Variants in PHF2 observed in about 807,000 individuals in gnomAD.
PHF2 encodes lysine-specific demethylase PHF2.
In PHF2, 27 loss-of-function variants were observed where a neutral mutation model predicts 120.5. That is an observed-to-expected ratio of 0.22 (90% CI 0.17 to 0.31). The LOEUF (loss-of-function observed/expected upper bound fraction) is 0.31, where lower values mean the gene tolerates loss of function less well. Ranked by LOEUF, PHF2 falls within the 10% of genes least tolerant of loss-of-function variation. The pLI, the probability that PHF2 is intolerant of heterozygous loss-of-function variation, is 1.00. For missense variants in PHF2, 1,024 were observed against 1,434.8 expected (o/e 0.71, Z 4.63); for synonymous variants, 568 against 592.5 (o/e 0.96, Z 0.60).
chr9:93,596,345 A>G (rs1169860983), intron 1 of PHF2, among the ~76,000 whole-genome samples: 2 of 152,198 alleles, frequency 1.3e-5, no homozygotes, highest in African/African-American at 4.8e-5. Context: ...CAAATTCAGC[A>G]CCAGGGATCA....
At chr9:93,658,514 G>T (rs1462501711) in intron 10 of PHF2, among the ~76,000 whole-genome samples, 2 of 152,222 alleles carry the variant, frequency 1.3e-5, no homozygotes, top group Non-Finnish European at 2.9e-5. Context: ...TCACAGCTTA[G>T]TCACAAGTTG....
At chr9:93,672,240 A>C (rs55880829) in intron 17 of PHF2, among the ~76,000 whole-genome samples, 1 of 46,218 alleles carries the variant, frequency 2.2e-5, no homozygotes, top group African/African-American at 9.1e-5. Context: ...GTGGGTGTGG[A>C]TGTAGGTACA....
intron 1 of PHF2, among the ~76,000 whole-genome samples, chr9:93,627,492 A>ATGTTTTTTTTTTTTTTTTTTTTTT (rs1825931883): frequency 9.2e-6 from 1 of 108,176 alleles, no homozygotes; most frequent in Non-Finnish European, 1.8e-5. Flanking sequence ...TTATTTCAGG[A>ATGTTTTTTTTTTTTTTTTTTTTTT]TTTTTTTTTT....
intron 3 of PHF2, 50 bp downstream of exon 3, chr9:93,636,575 A>T: frequency 8.0e-7 from 1 of 1,243,702 alleles, no homozygotes; most frequent in Non-Finnish European, 1.1e-6. Flanking sequence ...GGGGATGCAC[A>T]CTCTCTCCGT....
chr9:93,660,380 C>T lies in PHF2; in HGVS notation c.1518C>T (p.Pro506=). 1.3e-6 allele frequency: 2 copies of T among 1,545,388 alleles called. No homozygotes were observed. Among genetic ancestry groups the T allele is most frequent in the South Asian group, 1.2e-5 (1 of 83,996 alleles). Residue 506 remains proline (P), a synonymous_variant, in exon 12 of 22, where the codon CCC becomes CCT. Transcript: ENST00000359246. ...TVKMPKPSKI[P]KPPKPPKPPR... is the part of the protein sequence containing the mutation. ...AGATGCCCAAGCCATCCAAAATCCC[C>T]AAGCCCCCGAAGCCCCCTAAGCCCC...
At chr9:93,593,084 CAAAAAAAAAAAAA>C (rs200919035) in intron 1 of PHF2, among the ~76,000 whole-genome samples, 1 of 83,380 alleles carries the variant, frequency 1.2e-5, no homozygotes, top group African/African-American at 5.6e-5. Flanking sequence ...TCCTTTATGC[CAAAAAAAAAAAAA>C]AAAAAAAAAA....
chr9:93,652,500 C>A (rs998484506), intron 5 of PHF2, among the ~76,000 whole-genome samples: 1 of 151,918 alleles, frequency 6.6e-6, no homozygotes, highest in African/African-American at 2.4e-5. Context: ...ACCATGTTGG[C>A]CAGGCTGGTT....
At chr9:93,638,200 T>C (rs990376037) in intron 3 of PHF2, among the ~76,000 whole-genome samples, 2 of 152,160 alleles carry the variant, frequency 1.3e-5, no homozygotes, top group South Asian at 2.1e-4. Context: ...TTACCTGATA[T>C]ATGATTTCAA....
intron 3 of PHF2, among the ~76,000 whole-genome samples, chr9:93,639,606 A>C (rs1475430561): frequency 6.6e-6 from 1 of 151,956 alleles, no homozygotes; most frequent in Non-Finnish European, 1.5e-5. Context: ...CTCCAATATC[A>C]CCTTGAATAG....
intron 5 of PHF2, among the ~76,000 whole-genome samples, chr9:93,650,398 A>G (rs1055490123): frequency 6.6e-6 from 1 of 152,182 alleles, no homozygotes; most frequent in African/African-American, 2.4e-5. Flanking sequence ...CATCCCTGGC[A>G]CAGTTACTAA....
At chr9:93,654,143 A>G (rs1163642281) in intron 6 of PHF2, among the ~76,000 whole-genome samples, 1 of 152,128 alleles carries the variant, frequency 6.6e-6, no homozygotes, top group Non-Finnish European at 1.5e-5. Flanking sequence ...TTGCAGCTTT[A>G]TTTGCAGCCT....
Position 93,674,178 on chromosome 9 carries a change from C to A in PHF2, c.2626+316C>A, listed in dbSNP as rs192922083. Among the ~76,000 whole-genome samples the A allele has an allele frequency of 7.2e-5, 11 of 152,208 alleles. No individual in the cohort carries two copies. In the East Asian group the frequency reaches 1.6e-3, roughly 22 times the overall value. ...GGGCGCCATCTTGCTTCCTCCTGAA[C>A]CTTGGGTCCTGGGCATTCCTCGACA... On this transcript the variant is annotated intron_variant, in intron 18 of 21. Transcript: ENST00000359246.
At chr9:93,668,332 GCTC>G (rs1826719844) in intron 17 of PHF2, among the ~76,000 whole-genome samples, 1 of 152,148 alleles carries the variant, frequency 6.6e-6, no homozygotes, top group South Asian at 2.1e-4. Context: ...CTGGCTGTGA[GCTC>G]CTCCTCCCTG....
In PHF2 at chr9:93,665,835, AGAAAAACGCCCC is replaced by A. The variant is rs1564400836; in HGVS notation, c.2093_2104del (p.Asn698_Lys701del). On this transcript the variant is annotated inframe_deletion, in exon 15 of 22. Coordinates refer to ENST00000359246, the MANE Select transcript of PHF2 (RefSeq NM_005392.4). ...ATCGACGAGTTTCCCATCAGGAGGA[AGAAAAACGCCCC>A]GAAAAGGGACTTGTCCTGTGAGTTG... 1 of 1,613,394 alleles carries A rather than the reference AGAAAAACGCCCC, an allele frequency of 6.2e-7. No individual in the cohort carries two copies. Among genetic ancestry groups the A allele is most frequent in the South Asian group, 1.1e-5 (1 of 91,056 alleles).
chr9:93,633,637 G>A (rs1411556615), intron 2 of PHF2, among the ~76,000 whole-genome samples: 3 of 152,222 alleles, frequency 2.0e-5, no homozygotes, highest in African/African-American at 7.2e-5. Context: ...CTTTGCTGGT[G>A]ACCTTGGCAC....
At position 93,676,772 on chromosome 9, in the gene PHF2, C is replaced by T. The variant is rs775497099; in HGVS notation, c.3011C>T (p.Ser1004Leu). 9 of 1,552,142 alleles carry T rather than the reference C, an allele frequency of 5.8e-6. No homozygotes were observed. Among genetic ancestry groups the T allele is most frequent in the East Asian group, 2.4e-5 (1 of 40,992 alleles). Residue 1004 changes from serine (S) to leucine (L), a missense_variant, in exon 21 of 22, where the codon TCG becomes TTG. This residue lies in a region of PHF2 where 677 missense variants were observed against 857.4 expected (regional missense o/e 0.79). Coordinates refer to ENST00000359246, the MANE Select transcript of PHF2 (RefSeq NM_005392.4). ...ACCAGCACGGCCAGCAGCCAGGCCT[C>T]GCAGGAGGGCAGCTCGCCAGAGCCC... ...ASTSTASSQA[S>L]QEGSSPEPPP...
intron 3 of PHF2, among the ~76,000 whole-genome samples, chr9:93,637,114 C>T (rs534653751): frequency 6.6e-6 from 1 of 152,378 alleles, no homozygotes; most frequent in South Asian, 2.1e-4. Flanking sequence ...TTATTTCTCC[C>T]TCACTTTTGA....
Position 93,660,213 on chromosome 9 carries a change from C to G in PHF2, c.1351C>G (p.Pro451Ala), listed in dbSNP as rs1826536448. 9 of 1,576,532 alleles carry G rather than the reference C, an allele frequency of 5.7e-6. No homozygotes were observed. Among genetic ancestry groups the G allele is most frequent in the Non-Finnish European group, 7.7e-6 (9 of 1,165,292 alleles). Reference sequence around the variant, plus strand: ...CCAGAATGCCTCCAAAGCCGTCCGACCGGAAGTGAATACTGTCGCCTCGTC... The same window carrying G: ...CCAGAATGCCTCCAAAGCCGTCCGAGCGGAAGTGAATACTGTCGCCTCGTC... ...LSENASKAVR[P>A]EVNTVASSDE... is the part of the protein sequence containing the mutation. Residue 451 changes from proline (P) to alanine (A), a missense_variant, in exon 12 of 22, where the codon CCG (proline) becomes GCG (alanine). By Grantham distance (27) the Pro-to-Ala change is conservative (BLOSUM62 -1). This residue lies in a region of PHF2 where 677 missense variants were observed against 857.4 expected (regional missense o/e 0.79). Transcript: ENST00000359246.
chr9:93,660,230 C>T lies in PHF2; in HGVS notation c.1368C>T (p.Val456=), dbSNP rs531293957. ...SKAVRPEVNT[V]ASSDEVCDGD... is the part of the protein sequence containing the mutation. The stretch of plus-strand genomic sequence containing the variant: ...CCGTCCGACCGGAAGTGAATACTGT[C>T]GCCTCGTCAGATGAGGTGTGTGACG... Residue 456 remains valine, a synonymous_variant, in exon 12 of 22, where the codon GTC becomes GTT. Transcript: ENST00000359246. The T allele has an allele frequency of 2.7e-5, 43 of 1,592,804 alleles. No individual in the cohort carries two copies. In the East Asian group the frequency reaches 7.6e-4, roughly 28 times the overall value.
Sources: allele counts gnomAD v4.1 joint callset (sites outside exome capture counted in the v4.1 genomes callset), GRCh38; gene constraint gnomAD v4.1.1; regional missense constraint gnomAD v4.1.1; transcripts MANE v1.5; gene names NCBI Gene and HGNC (gene_info 2026-07-23, HGNC 2026-07-21).